The following SFMBT1 variants were observed in gnomAD, a reference collection of about 807,000 sequenced individuals.
The protein encoded by SFMBT1 is Scm like with four mbt domains 1.
In SFMBT1, 32 loss-of-function variants were observed where a neutral mutation model predicts 108.7. The observed-to-expected ratio is 0.29, with a 90% CI of 0.22 to 0.40. The LOEUF (loss-of-function observed/expected upper bound fraction) is 0.40. Among genes scored for constraint, SFMBT1 ranks in the 10% least tolerant of loss-of-function variants. The pLI, the probability that SFMBT1 is intolerant of heterozygous loss-of-function variation, is 1.00. For missense variants in SFMBT1, 816 were observed against 1,059.6 expected (o/e 0.77, Z 3.19); for synonymous variants, 348 against 369.5 (o/e 0.94, Z 0.67).
At chr3:52,971,770 C>A (rs953135381) in intron 1 of SFMBT1, among the ~76,000 whole-genome samples, 4 of 152,016 alleles carry the variant, frequency 2.6e-5, no homozygotes, top group African/African-American at 9.7e-5. Context: ...GACAGTGTCC[C>A]TGAGAAAATG....
chr3:52,998,464 C>A (rs1036216126), intron 1 of SFMBT1, among the ~76,000 whole-genome samples: 1 of 150,330 alleles, frequency 6.7e-6, no homozygotes, highest in Non-Finnish European at 1.5e-5. Context: ...AAAGTAAAGG[C>A]TGGGTGCAGC....
chr3:52,943,776 C>A (rs1703271399), intron 3 of SFMBT1, among the ~76,000 whole-genome samples, 183 bp from the exon 4 acceptor site: 2 of 152,166 alleles, frequency 1.3e-5, no homozygotes, highest in African/African-American at 4.8e-5. Flanking sequence ...AATAGCAATG[C>A]TGCTCTGTTC....
At position 52,921,711 on chromosome 3, in the gene SFMBT1, G is replaced by T; in HGVS notation, c.1252C>A (p.Leu418Met). The change falls in exon 11 of 21, where the codon CTG (leucine) becomes ATG (methionine). Residue 418 changes from leucine (L) to methionine (M), a missense_variant. Physicochemically the swap from Leu to Met is conservative, Grantham distance 15. This residue lies in a region of SFMBT1 where 495 missense variants were observed against 607.4 expected (regional missense o/e 0.81). Transcript: ENST00000394752. The part of the protein sequence containing the change: ...AVRGSYLWLQ[L>M]EGSKKPIPEC... ...CTAGAGTGCTGGCACTCACCCTCCA[G>T]CTGGAGCCACAGGTAGGAGCCTCTC... is the stretch of plus-strand genomic sequence containing the variant. The T allele has an allele frequency of 6.2e-7, 1 of 1,614,098 alleles. No individual in the cohort carries two copies. The highest frequency in any genetic ancestry group is 8.5e-7 in the Non-Finnish European group (1 of 1,179,982).
intron 1 of SFMBT1, among the ~76,000 whole-genome samples, chr3:53,017,110 C>A (rs757999213): frequency 2.0e-5 from 3 of 152,126 alleles, no homozygotes; most frequent in Non-Finnish European, 2.9e-5. Flanking sequence ...TACAAATATA[C>A]AGTAATTCTG....
At chr3:52,966,622 C>CT (rs1704159117) in intron 2 of SFMBT1, among the ~76,000 whole-genome samples, 1 of 53,586 alleles carries the variant, frequency 1.9e-5, no homozygotes, top group Non-Finnish European at 3.1e-5. Flanking sequence ...GAGACTCAGT[C>CT]TCAAAAAAAA....
chr3:53,018,638 T>G (rs115863591), intron 1 of SFMBT1, among the ~76,000 whole-genome samples: 1 of 152,226 alleles, frequency 6.6e-6, no homozygotes, highest in East Asian at 1.9e-4. Context: ...TGCCTTCATA[T>G]GGCATTTCCT....
intron 1 of SFMBT1, among the ~76,000 whole-genome samples, chr3:52,982,511 T>G (rs922127458): frequency 6.6e-6 from 1 of 151,990 alleles, no homozygotes; most frequent in African/African-American, 2.4e-5. Flanking sequence ...GGCGGATCAC[T>G]TGAGGTCAGG....
At chr3:52,990,870 G>C (rs552907514) in intron 1 of SFMBT1, among the ~76,000 whole-genome samples, 1 of 152,134 alleles carries the variant, frequency 6.6e-6, no homozygotes, top group Non-Finnish European at 1.5e-5. Flanking sequence ...TTGCAATTTT[G>C]GAGAGAGATT....
intron 1 of SFMBT1, among the ~76,000 whole-genome samples, chr3:52,985,035 G>A (rs984842315): frequency 1.3e-5 from 2 of 151,990 alleles, no homozygotes; most frequent in African/African-American, 4.8e-5. Context: ...TATCTTATAG[G>A]CTGGAACGGT....
chr3:52,993,665 C>T (rs960440222), intron 1 of SFMBT1, among the ~76,000 whole-genome samples: 1 of 149,084 alleles, frequency 6.7e-6, no homozygotes, highest in Non-Finnish European at 1.5e-5. Context: ...AAAACAGATG[C>T]ACTGACAGCC....
In SFMBT1 at chr3:53,040,967, A is replaced by ATTTTTTTTTT. The variant is rs1559560284; in HGVS notation, c.-131+4848_-131+4849insAAAAAAAAAA. On this transcript the variant is annotated intron_variant, in intron 1 of 20. Coordinates refer to ENST00000394752, the MANE Select transcript of SFMBT1 (RefSeq NM_016329.4). ...CTACAGGCATGCACCAAGACACCTG[A>ATTTTTTTTTT]ATTTTTTTTTTTTTTTTTTTTTTTT... is the stretch of plus-strand genomic sequence containing the variant. Among the ~76,000 whole-genome samples the ATTTTTTTTTT allele has an allele frequency of 7.8e-4, 57 of 72,858 alleles. 2 individuals are homozygous for ATTTTTTTTTT. The highest frequency in any genetic ancestry group is 1.4e-3 in the Non-Finnish European group (46 of 33,072). 47.8% of individuals were successfully genotyped at this position (72,858 alleles called of 152,430 possible). A position where few individuals can be genotyped will look rare whatever the true frequency, so the allele number is the denominator to read the frequency against.
intron 3 of SFMBT1, among the ~76,000 whole-genome samples, chr3:52,948,256 T>C (rs1325976235): frequency 6.6e-6 from 1 of 151,804 alleles, no homozygotes; most frequent in Non-Finnish European, 1.5e-5. Context: ...AACTTTGTAA[T>C]AATCAAGTGT....
At chr3:52,966,611 C>G (rs1220591633) in intron 2 of SFMBT1, among the ~76,000 whole-genome samples, 1 of 105,344 alleles carries the variant, frequency 9.5e-6, no homozygotes, top group South Asian at 3.2e-4. Flanking sequence ...GGTGACAGAG[C>G]GAGACTCAGT....
intron 1 of SFMBT1, among the ~76,000 whole-genome samples, chr3:52,981,619 T>A (rs1704715818): frequency 1.3e-5 from 2 of 148,698 alleles, no homozygotes; most frequent in Admixed American, 6.7e-5. Context: ...GCTCAAGCAA[T>A]CCTCCCACCT....
At chr3:52,921,506 T>C (rs1455441473) in intron 11 of SFMBT1, among the ~76,000 whole-genome samples, 199 bp downstream of exon 11, 3 of 152,240 alleles carry the variant, frequency 2.0e-5, no homozygotes, top group Non-Finnish European at 4.4e-5. Flanking sequence ...TTTTTATTCA[T>C]ATTCATTTCC....
At chr3:52,916,821 CATTCACTGGGCAAAAAA>C (rs1702373125) in intron 13 of SFMBT1, among the ~76,000 whole-genome samples, 1 of 152,168 alleles carries the variant, frequency 6.6e-6, no homozygotes, top group Non-Finnish European at 1.5e-5. Context: ...ACTTTCTCTT[CATTCACTGGGCAAAAAA>C]ATTACAAAAT....
intron 1 of SFMBT1, among the ~76,000 whole-genome samples, chr3:53,006,628 CAAA>C (rs145854514): frequency 7.9e-6 from 1 of 126,310 alleles, no homozygotes; most frequent in Non-Finnish European, 1.6e-5. Flanking sequence ...AACTCCGTCT[CAAA>C]AAAAAAAAAA....
chr3:52,962,750 TG>T (rs1383541650), intron 2 of SFMBT1, among the ~76,000 whole-genome samples: 1 of 135,096 alleles, frequency 7.4e-6, no homozygotes, highest in Non-Finnish European at 1.5e-5. Context: ...GGGGTTGCAG[TG>T]AGCCGAGGTT....
intron 1 of SFMBT1, among the ~76,000 whole-genome samples, chr3:53,000,262 CTTTT>C (rs144089705): frequency 7.4e-6 from 1 of 134,872 alleles, no homozygotes. Flanking sequence ...TCTTAAGCCA[CTTTT>C]TTTTTTTTTT....
Sources: allele counts gnomAD v4.1 joint callset (sites outside exome capture counted in the v4.1 genomes callset), GRCh38; gene constraint gnomAD v4.1.1; regional missense constraint gnomAD v4.1.1; transcripts MANE v1.5; gene names NCBI Gene and HGNC (gene_info 2026-07-23, HGNC 2026-07-21).